ARHGAP15: variants seen among roughly 807,000 people sequenced by gnomAD.
ARHGAP15 encodes rho GTPase-activating protein 15.
In ARHGAP15, 51 loss-of-function variants were observed where a neutral mutation model predicts 63.7. The observed-to-expected ratio is 0.80, with a 90% CI of 0.64 to 1.01. The LOEUF is 1.01. ARHGAP15 is among the 50% of genes least tolerant of loss of function. The pLI, the probability that ARHGAP15 is intolerant of heterozygous loss-of-function variation, is 0.00. For synonymous variants in ARHGAP15, 191 were observed against 193.8 expected (o/e 0.99, Z 0.12); for missense variants, 560 against 564.6 (o/e 0.99, Z 0.08).
intron 8 of ARHGAP15, among the ~76,000 whole-genome samples, chr2:143,459,219 G>C (rs1690806671): frequency 6.6e-6 from 1 of 152,070 alleles, no homozygotes; most frequent in Non-Finnish European, 1.5e-5. Context: ...AGAATGATTT[G>C]AGTAGCTAAT....
At chr2:143,680,197 C>T (rs1446361871) in intron 12 of ARHGAP15, among the ~76,000 whole-genome samples, 2 of 151,952 alleles carry the variant, frequency 1.3e-5, no homozygotes, top group Non-Finnish European at 2.9e-5. Context: ...GGAAAAAATC[C>T]ACACAATATT....
At chr2:143,152,252 T>C (rs1379822875) in intron 1 of ARHGAP15, among the ~76,000 whole-genome samples, 1 of 152,032 alleles carries the variant, frequency 6.6e-6, no homozygotes, top group Non-Finnish European at 1.5e-5. Flanking sequence ...CGAACTTCCC[T>C]GGTACTTTAT....
chr2:143,376,094 A>G (rs1558929800), intron 6 of ARHGAP15, among the ~76,000 whole-genome samples: 1 of 152,192 alleles, frequency 6.6e-6, no homozygotes, highest in African/African-American at 2.4e-5. Context: ...TAGAATAATG[A>G]CTGCTAGGTT....
rs539348239 is a variant in ARHGAP15 at position 143,278,718 on chromosome 2, T to TA, written c.474+28123dup. On this transcript the variant is annotated intron_variant, in intron 6 of 13. Transcript: ENST00000295095. ...TACTAAATTGACTACTACAGCAATT[T>TA]AAAAATACAAGAAATCTTCTTATTT... 3.3e-3 allele frequency among the ~76,000 whole-genome samples: 498 copies of TA among 152,262 alleles called. 4 individuals are homozygous for TA. Among genetic ancestry groups the TA allele is most frequent in the Non-Finnish European group, 3.9e-3 (262 of 68,018 alleles).
intron 2 of ARHGAP15, among the ~76,000 whole-genome samples, chr2:143,164,303 C>T (rs544649704): frequency 5.1e-4 from 78 of 152,138 alleles, no homozygotes; most frequent in African/African-American, 1.9e-3. Context: ...TAAGCAGAAC[C>T]ATCTCCAAAC....
chr2:143,318,430 C>T (rs1683827731), intron 6 of ARHGAP15, among the ~76,000 whole-genome samples: 1 of 149,604 alleles, frequency 6.7e-6, no homozygotes, highest in African/African-American at 2.5e-5. Flanking sequence ...TTTAGCATAG[C>T]AGTCTTGGCA....
At chr2:143,353,926 A>G (rs1685687157) in intron 6 of ARHGAP15, among the ~76,000 whole-genome samples, 1 of 152,132 alleles carries the variant, frequency 6.6e-6, no homozygotes, top group Non-Finnish European at 1.5e-5. Context: ...CAAAGTTGTC[A>G]TGATGGAGCA....
intron 8 of ARHGAP15, among the ~76,000 whole-genome samples, chr2:143,454,829 C>T (rs892620410): frequency 3.9e-5 from 6 of 152,008 alleles, no homozygotes; most frequent in African/African-American, 7.2e-5. Flanking sequence ...ACAAAGATGA[C>T]GTAAACTCTA....
chr2:143,131,052 T>A (rs1364717225), intron 1 of ARHGAP15, among the ~76,000 whole-genome samples: 2 of 152,192 alleles, frequency 1.3e-5, no homozygotes, highest in Non-Finnish European at 2.9e-5. Context: ...GAAAATTTTT[T>A]AAATTGTTTA....
chr2:143,441,673 G>C (rs1375174713), intron 8 of ARHGAP15, among the ~76,000 whole-genome samples: 4 of 152,140 alleles, frequency 2.6e-5, no homozygotes, highest in African/African-American at 9.7e-5. Context: ...AAATCCATGA[G>C]TGTGGAGACC....
intron 5 of ARHGAP15, 130 bp downstream of exon 5, chr2:143,228,798 C>A: frequency 1.7e-6 from 1 of 583,016 alleles, no homozygotes; most frequent in Non-Finnish European, 2.8e-6. Context: ...GAGAAAATGA[C>A]TCAATAAACT....
At chr2:143,363,777 C>G (rs1383995029) in intron 6 of ARHGAP15, among the ~76,000 whole-genome samples, 1 of 152,136 alleles carries the variant, frequency 6.6e-6, no homozygotes, top group Non-Finnish European at 1.5e-5. Flanking sequence ...CCAAACTCAC[C>G]AAAATACTAA....
chr2:143,523,947 G>A (rs1344815921), intron 10 of ARHGAP15, among the ~76,000 whole-genome samples: 1 of 152,086 alleles, frequency 6.6e-6, no homozygotes, highest in African/African-American at 2.4e-5. Flanking sequence ...TTTTTCAAAT[G>A]TGATAATTCC....
intron 13 of ARHGAP15, among the ~76,000 whole-genome samples, chr2:143,734,464 TC>T (rs995595260): frequency 6.6e-6 from 1 of 152,184 alleles, no homozygotes; most frequent in African/African-American, 2.4e-5. Context: ...ACGCTAAAAA[TC>T]CCATGTTCTC....
intron 1 of ARHGAP15, among the ~76,000 whole-genome samples, chr2:143,150,207 T>C (rs939767424): frequency 1.3e-5 from 2 of 152,024 alleles, no homozygotes; most frequent in Admixed American, 6.6e-5. Flanking sequence ...AATTACTTAA[T>C]ATATTTTTAC....
At chr2:143,482,332 T>G (rs1692119117) in intron 8 of ARHGAP15, among the ~76,000 whole-genome samples, 1 of 152,220 alleles carries the variant, frequency 6.6e-6, no homozygotes, top group African/African-American at 2.4e-5. Flanking sequence ...AAAAAGTAGT[T>G]GAATCTCTGA....
chr2:143,139,375 G>A (rs1265558732), intron 1 of ARHGAP15, among the ~76,000 whole-genome samples: 3 of 151,974 alleles, frequency 2.0e-5, no homozygotes, highest in South Asian at 2.1e-4. Flanking sequence ...CCGTTTGCAC[G>A]TATCATCATG....
chr2:143,420,994 G>A (rs1169074141), intron 6 of ARHGAP15, among the ~76,000 whole-genome samples: 1 of 152,174 alleles, frequency 6.6e-6, no homozygotes, highest in Non-Finnish European at 1.5e-5. Context: ...TGCACTCATT[G>A]TTTCAATACA....
intron 12 of ARHGAP15, among the ~76,000 whole-genome samples, chr2:143,698,416 C>T (rs1683943106): frequency 1.3e-5 from 2 of 152,134 alleles, no homozygotes; most frequent in South Asian, 2.1e-4. Context: ...AAAATGTGCC[C>T]TCAAAACTAT....
Sources: gnomAD v4.1 joint callset for allele counts (sites outside exome capture counted in the v4.1 genomes callset) on GRCh38, gnomAD v4.1.1 for gene constraint, MANE v1.5 for transcripts, NCBI Gene and HGNC (gene_info 2026-07-23, HGNC 2026-07-21) for gene names.